Variants in SPIRE1 observed in about 807,000 individuals in gnomAD.
SPIRE1 encodes the protein spire type actin nucleation factor 1.
In SPIRE1, 40 loss-of-function variants were observed where a neutral mutation model predicts 94.1. The observed-to-expected ratio is 0.43, with a 90% confidence interval of 0.33 to 0.55. The LOEUF (loss-of-function observed/expected upper bound fraction) is 0.55. Among genes scored for constraint, SPIRE1 ranks in the 20% least tolerant of loss-of-function variants. The pLI is 0.06. For missense variants in SPIRE1, 838 were observed against 975.2 expected, an observed-to-expected ratio of 0.86 and a Z score of 1.87; for synonymous variants, 376 against 371.7, an observed-to-expected ratio of 1.01 and a Z score of -0.13.
At chr18:12,576,422 A>C (rs2036099338) in intron 2 of SPIRE1, among the ~76,000 whole-genome samples, 1 of 151,440 alleles carries the variant, frequency 6.6e-6, no homozygotes, top group South Asian at 2.1e-4. Flanking sequence ...TCTCTAACTA[A>C]AATACGAAAA....
chr18:12,513,067 T>C (rs1567902178), intron 4 of SPIRE1, among the ~76,000 whole-genome samples: 2 of 152,186 alleles, frequency 1.3e-5, no homozygotes, highest in Non-Finnish European at 2.9e-5. Context: ...ACAGCTCTTA[T>C]CAACATTGTA....
At chr18:12,487,992 G>C (rs989834953) in intron 8 of SPIRE1, among the ~76,000 whole-genome samples, 1 of 152,130 alleles carries the variant, frequency 6.6e-6, no homozygotes, top group Non-Finnish European at 1.5e-5. Flanking sequence ...GGATTGTTCA[G>C]AAACCAGCAC....
At chr18:12,625,215 C>T (rs560289363) in intron 2 of SPIRE1, among the ~76,000 whole-genome samples, 4 of 152,138 alleles carry the variant, frequency 2.6e-5, no homozygotes, top group African/African-American at 7.2e-5. Flanking sequence ...CACTCGGAAG[C>T]GGCAACTCAT....
rs1190338499 is a variant in SPIRE1, at chr18:12,488,925, C to T, written c.1190-2925G>A. On this transcript the variant is annotated intron_variant, in intron 8 of 16. Coordinates refer to ENST00000409402, the MANE Select transcript of SPIRE1 (RefSeq NM_001128626.2). ...CTTGGGTCAGGCGCGGTGGCTCACG[C>T]CTGTAATCCCAGCACTTTCGGAGGC... 2.0e-5 allele frequency among the ~76,000 whole-genome samples: 3 copies of T among 152,172 alleles called. No homozygotes were observed. In the East Asian group the frequency reaches 5.8e-4, roughly 29 times the overall value.
intron 2 of SPIRE1, among the ~76,000 whole-genome samples, chr18:12,573,816 T>G (rs181120141): frequency 2.0e-5 from 3 of 152,220 alleles, no homozygotes; most frequent in African/African-American, 7.2e-5. Flanking sequence ...CTCGGCTCAC[T>G]GCAAGCTCCG....
chr18:12,463,272 A>C, intron 12 of SPIRE1, 79 bp downstream of exon 12: 1 of 1,369,932 alleles, frequency 7.3e-7, no homozygotes, highest in Non-Finnish European at 9.7e-7. Context: ...TTTTCTCCTT[A>C]TCATCTTCAT....
intron 3 of SPIRE1, among the ~76,000 whole-genome samples, chr18:12,543,798 A>C (rs928052906): frequency 1.3e-5 from 2 of 152,222 alleles, no homozygotes; most frequent in Non-Finnish European, 1.5e-5. Context: ...TTTCTACTTC[A>C]AACAAGGAGA....
intron 2 of SPIRE1, among the ~76,000 whole-genome samples, chr18:12,579,425 T>A (rs1430532158): frequency 6.6e-6 from 1 of 152,024 alleles, no homozygotes; most frequent in Non-Finnish European, 1.5e-5. Flanking sequence ...ACATGAACTA[T>A]CCAGAACAGG....
Position 12,449,998 on chromosome 18 carries a change from C to A in SPIRE1, c.2013-102G>T, listed in dbSNP as rs890134423. 19 of 1,199,816 alleles carry A rather than the reference C, an allele frequency of 1.6e-5. No homozygotes were observed. The African/African-American group carries it at 2.8e-4, about 18-fold the overall frequency. The allele number at this position is 1,199,816 out of a possible 1,614,324, so 74.3% of individuals were successfully genotyped here. On this transcript the variant is annotated intron_variant, in intron 16 of 16. Coordinates refer to ENST00000409402, the MANE Select transcript of SPIRE1 (RefSeq NM_001128626.2). ...AAAAGTAAATTTGTTGTCAAAACAT[C>A]ATGGAATGGATGAGTGATTTAATCA... is the stretch of plus-strand genomic sequence containing the variant.
rs55915333 is a variant in SPIRE1 at position 12,626,886 on chromosome 18, A to ATAT, written c.372+8175_372+8176insATA. Among the ~76,000 whole-genome samples the ATAT allele has an allele frequency of 4.5e-3, 502 of 111,882 alleles. 2 individuals are homozygous for ATAT. Among genetic ancestry groups the ATAT allele is most frequent in the South Asian group, 0.02 (58 of 2,912 alleles). 73.4% of individuals were successfully genotyped at this position (111,882 alleles called of 152,430 possible). On this transcript the variant is annotated intron_variant, in intron 2 of 16. Transcript: ENST00000409402. ...CTGTAAAATATATATATATATATAT[A>ATAT]TTTTTTTTTTTTTTTTGCCCAGAGG...
At chr18:12,624,978 T>C (rs1259077699) in intron 2 of SPIRE1, among the ~76,000 whole-genome samples, 1 of 151,322 alleles carries the variant, frequency 6.6e-6, no homozygotes, top group Non-Finnish European at 1.5e-5. Flanking sequence ...TTATGTATCC[T>C]ATGGTCAAAT....
In SPIRE1 at chr18:12,550,523, G is replaced by C. The variant is rs78066687; in HGVS notation, c.373-3619C>G. ...GGACTACAGGTGCATGGTGACACCTGGCTAATTTTTAAATTTTCTGCAGAG... is the reference window on the plus strand; with the variant it reads ...GGACTACAGGTGCATGGTGACACCTCGCTAATTTTTAAATTTTCTGCAGAG... On this transcript the variant is annotated intron_variant, in intron 2 of 16. Transcript: ENST00000409402. Among the ~76,000 whole-genome samples the C allele has an allele frequency of 8.3e-3, 1,259 of 152,080 alleles. 7 individuals carry two copies. The highest frequency in any genetic ancestry group is 0.014 in the Non-Finnish European group (956 of 67,980).
chr18:12,468,695 T>A (rs984937998), intron 10 of SPIRE1, among the ~76,000 whole-genome samples: 3 of 152,166 alleles, frequency 2.0e-5, no homozygotes, highest in Non-Finnish European at 2.9e-5. Context: ...GAATCTTTTT[T>A]ATCTAGAAAA....
At position 12,657,717 on chromosome 18, in the gene SPIRE1, G is replaced by C; in HGVS notation, c.150C>G (p.Asn50Lys). The C allele has an allele frequency of 7.1e-7, 1 of 1,406,128 alleles. No individual in the cohort carries two copies. The allele number at this position is 1,406,128 out of a possible 1,614,324, so 87.1% of individuals were successfully genotyped here. A position where few individuals can be genotyped will look rare whatever the true frequency, so the allele number is the denominator to read the frequency against. ...ACGCCTGCTCCTCGTTGATGGGCTG[G>C]TTGTACAGCCGCAGGATCTCCTCCA... ...LSLEEILRLY[N>K]QPINEEQAWA... is the part of the protein sequence containing the mutation. Residue 50 changes from asparagine to lysine, a missense_variant, in exon 1 of 17, where the codon AAC (asparagine) becomes AAG (lysine). Physicochemically the swap from Asn to Lys is moderately conservative, Grantham distance 94 (BLOSUM62 0). Transcript: ENST00000409402.
At chr18:12,514,283 C>T (rs956284069) in intron 4 of SPIRE1, among the ~76,000 whole-genome samples, 2 of 152,164 alleles carry the variant, frequency 1.3e-5, no homozygotes, top group Admixed American at 6.5e-5. Context: ...ACCTTCTCAA[C>T]GGGGTCTATC....
intron 2 of SPIRE1, among the ~76,000 whole-genome samples, chr18:12,547,933 A>AAACAAACAAAC (rs775189094): frequency 2.0e-5 from 3 of 152,130 alleles, no homozygotes; most frequent in Non-Finnish European, 4.4e-5. Context: ...ACAAACAAAC[A>AAACAAACAAAC]AACAACAACA....
At chr18:12,558,138 T>C (rs1375227027) in intron 2 of SPIRE1, among the ~76,000 whole-genome samples, 1 of 152,210 alleles carries the variant, frequency 6.6e-6, no homozygotes, top group Non-Finnish European at 1.5e-5. Context: ...ACCCTTGCAG[T>C]GTTCCAGTTC....
intron 3 of SPIRE1, among the ~76,000 whole-genome samples, chr18:12,546,222 C>T (rs1293448631): frequency 6.6e-6 from 1 of 152,182 alleles, no homozygotes; most frequent in Non-Finnish European, 1.5e-5. Context: ...ATCTCCTGAC[C>T]TCGTGATCCG....
intron 2 of SPIRE1, among the ~76,000 whole-genome samples, chr18:12,622,959 C>T (rs2037516578): frequency 6.6e-6 from 1 of 152,164 alleles, no homozygotes. Flanking sequence ...CCAAGTCTGT[C>T]TTTTAATGCA....
Sources: gnomAD v4.1 joint callset for allele counts (sites outside exome capture counted in the v4.1 genomes callset) on GRCh38, gnomAD v4.1.1 for gene constraint, MANE v1.5 for transcripts, NCBI Gene and HGNC (gene_info 2026-07-23, HGNC 2026-07-21) for gene names.